The following BCAS3 variants were observed in gnomAD, a reference collection of about 807,000 sequenced individuals.
BCAS3 encodes the protein BCAS4/BCAS3 fusion.
A neutral mutation model predicts 116.1 loss-of-function variants in BCAS3; 53 were observed. That is an observed-to-expected ratio of 0.46 (90% CI 0.37 to 0.57). The LOEUF (loss-of-function observed/expected upper bound fraction) is 0.57, where lower values mean the gene tolerates loss of function less well. Among genes scored for constraint, BCAS3 ranks in the 20% least tolerant of loss-of-function variants. The pLI is 0.00. For synonymous variants in BCAS3, 391 were observed against 408.2 expected (o/e 0.96, Z 0.51); for missense variants, 917 against 1,165.4 (o/e 0.79, Z 3.10).
chr17:60,730,755 G>A (rs2144157875), intron 5 of BCAS3, among the ~76,000 whole-genome samples: 1 of 152,294 alleles, frequency 6.6e-6, no homozygotes, highest in East Asian at 1.9e-4. Context: ...AAAGGCCTGA[G>A]TTTAAGAACT....
intron 19 of BCAS3, among the ~76,000 whole-genome samples, chr17:61,057,291 T>C (rs191214822): frequency 1.3e-5 from 2 of 152,346 alleles, no homozygotes; most frequent in East Asian, 3.9e-4. Flanking sequence ...GCCTTTCTGC[T>C]CAGTTTTCAA....
rs1037256989 is a variant in BCAS3, at chr17:61,352,859, G to A, written c.2426-15468G>A. ...AGCTGTGCAGAGAAGGCCTGGTGCC[G>A]CCACACTCCTGCTCGGCTCCTAGGC... On this transcript the variant is annotated intron_variant, in intron 22 of 23. Coordinates refer to ENST00000407086, the MANE Select transcript of BCAS3 (RefSeq NM_017679.5). The surrounding 1 kb of genome is among the most constrained non-coding windows in gnomAD (Gnocchi z 4.7). Among the ~76,000 whole-genome samples the A allele has an allele frequency of 2.6e-5, 4 of 152,230 alleles. No individual in the cohort carries two copies. Among genetic ancestry groups the A allele is most frequent in the Admixed American group, 2.0e-4 (3 of 15,286 alleles).
At position 60,754,744 on chromosome 17, in the gene BCAS3, G is replaced by T. The variant is rs62082874; in HGVS notation, c.403+7465G>T. Among the ~76,000 whole-genome samples, 157 of 19,246 alleles carry T rather than the reference G, an allele frequency of 8.2e-3. 2 individuals carry two copies. The Middle Eastern group carries it at 0.25, about 31-fold the overall frequency. 12.6% of individuals were successfully genotyped at this position (19,246 alleles called of 152,430 possible). ...ACACACACACACACACACACACAGAGTCTGTTCAGCCGAAACACTAGCAAG... is the reference window on the plus strand; with the variant it reads ...ACACACACACACACACACACACAGATTCTGTTCAGCCGAAACACTAGCAAG... On this transcript the variant is annotated intron_variant, in intron 6 of 23. Transcript: ENST00000407086.
intron 22 of BCAS3, among the ~76,000 whole-genome samples, chr17:61,194,848 A>T (rs72832577): frequency 0.11 from 16,743 of 152,074 alleles, 1,176 homozygotes; most frequent in Non-Finnish European, 0.16. Context: ...ATTAGGAAAT[A>T]TCTTCACTTT....
chr17:60,904,934 C>G (rs1045923515), intron 11 of BCAS3, among the ~76,000 whole-genome samples: 1 of 152,138 alleles, frequency 6.6e-6, no homozygotes, highest in African/African-American at 2.4e-5. Context: ...ATTACAAAGA[C>G]TCTTCCAGTG....
chr17:61,327,749 G>A lies in BCAS3; in HGVS notation c.2426-40578G>A, dbSNP rs1207971608. On this transcript the variant is annotated intron_variant, in intron 22 of 23. Transcript: ENST00000407086. This position sits in a 1 kb window ranked among gnomAD's most constrained non-coding sequence, Gnocchi z 5.9. ...GGTCTCGAACTTCTGGCCTCAAGTGGTCCAGCTGCCTCAGCCTCCCAAAGT... is the reference window on the plus strand; with the variant it reads ...GGTCTCGAACTTCTGGCCTCAAGTGATCCAGCTGCCTCAGCCTCCCAAAGT... 1.3e-5 allele frequency among the ~76,000 whole-genome samples: 2 copies of A among 152,080 alleles called. No individual in the cohort carries two copies. Among genetic ancestry groups the A allele is most frequent in the African/African-American group, 4.8e-5 (2 of 41,426 alleles).
At position 61,220,447 on chromosome 17, in the gene BCAS3, C is replaced by T. The variant is rs1051706117; in HGVS notation, c.2425+135883C>T. Among the ~76,000 whole-genome samples the T allele has an allele frequency of 6.6e-6, 1 of 152,166 alleles. No homozygotes were observed. Among genetic ancestry groups the T allele is most frequent in the African/African-American group, 2.4e-5 (1 of 41,442 alleles). On this transcript the variant is annotated intron_variant, in intron 22 of 23. Transcript: ENST00000407086. The surrounding 1 kb of genome is among the most constrained non-coding windows in gnomAD (Gnocchi z 4.5). ...CAGTTAATTAATGCTACTTTGTCAA[C>T]TTGGTTCCATTATTTGATCTTCAGA...
Position 61,299,429 on chromosome 17 carries a change from C to T in BCAS3, c.2426-68898C>T, listed in dbSNP as rs145845106. Among the ~76,000 whole-genome samples, 1,101 of 113,114 alleles carry T rather than the reference C, an allele frequency of 9.7e-3. 26 individuals carry two copies. Among genetic ancestry groups the T allele is most frequent in the African/African-American group, 0.039 (1,037 of 26,894 alleles). 74.2% of individuals were successfully genotyped at this position (113,114 alleles called of 152,430 possible). A position where few individuals can be genotyped will look rare whatever the true frequency, so the allele number is the denominator to read the frequency against. On this transcript the variant is annotated intron_variant, in intron 22 of 23. Coordinates refer to ENST00000407086, the MANE Select transcript of BCAS3 (RefSeq NM_017679.5). The stretch of plus-strand genomic sequence containing the variant: ...TTGCACTCCAGCCTGGGTGACAGAG[C>T]GAGACTCCATCTCAAAAAAAAAAAA...
intron 6 of BCAS3, among the ~76,000 whole-genome samples, chr17:60,752,010 A>T (rs1184009921): frequency 6.6e-6 from 1 of 152,174 alleles, no homozygotes; most frequent in Non-Finnish European, 1.5e-5. Flanking sequence ...TCAGATATTG[A>T]GCATTGTACC....
At chr17:60,895,754 T>G (rs2057466414) in intron 10 of BCAS3, among the ~76,000 whole-genome samples, 1 of 152,228 alleles carries the variant, frequency 6.6e-6, no homozygotes, top group Non-Finnish European at 1.5e-5. Context: ...GATCATCATT[T>G]GTTTCAAGAT....
At chr17:61,330,232 CCCCTCCCT>C (rs950984566) in intron 22 of BCAS3, among the ~76,000 whole-genome samples, 7 of 149,760 alleles carry the variant, frequency 4.7e-5, no homozygotes, top group Admixed American at 4.0e-4. Context: ...CCTCTTCTCT[CCCCTCCCT>C]CCCTCCCTCC....
At chr17:60,795,841 C>T (rs1299067525) in intron 6 of BCAS3, among the ~76,000 whole-genome samples, 3 of 152,188 alleles carry the variant, frequency 2.0e-5, no homozygotes, top group Admixed American at 1.3e-4. Context: ...AGGCATGCGC[C>T]ACCACACCTG....
At chr17:60,760,386 T>C (rs1226418611) in intron 6 of BCAS3, among the ~76,000 whole-genome samples, 1 of 147,166 alleles carries the variant, frequency 6.8e-6, no homozygotes, top group Non-Finnish European at 1.5e-5. Flanking sequence ...AGGCCTAGTC[T>C]AGTGGTGATG....
At chr17:61,010,122 T>C (rs2065011483) in intron 15 of BCAS3, among the ~76,000 whole-genome samples, 2 of 151,112 alleles carry the variant, frequency 1.3e-5, no homozygotes, top group African/African-American at 4.9e-5. Context: ...GATGACTGGT[T>C]TGGGAATATG....
intron 7 of BCAS3, among the ~76,000 whole-genome samples, chr17:60,845,990 G>A (rs2052494167): frequency 6.6e-6 from 1 of 151,322 alleles, no homozygotes. Flanking sequence ...GTGCAGTGGT[G>A]ACATCTTGGC....
chr17:61,336,050 C>T (rs992316706), intron 22 of BCAS3, among the ~76,000 whole-genome samples: 2 of 152,264 alleles, frequency 1.3e-5, no homozygotes, highest in Non-Finnish European at 2.9e-5. Context: ...TGTCGGCTTT[C>T]CTTTCGCGCC....
chr17:61,233,897 T>G lies in BCAS3; in HGVS notation c.2426-134430T>G, dbSNP rs757005868. On this transcript the variant is annotated intron_variant, in intron 22 of 23. Coordinates refer to ENST00000407086, the MANE Select transcript of BCAS3 (RefSeq NM_017679.5). This position sits in a 1 kb window ranked among gnomAD's most constrained non-coding sequence, Gnocchi z 4.3. ...GAGGCTCTTTCCTGTCTAGTTGAGC[T>G]TTCTTTAAGAGGTCTTCCAGCTGTG... Among the ~76,000 whole-genome samples, 4 of 152,136 alleles carry G rather than the reference T, an allele frequency of 2.6e-5. No individual in the cohort carries two copies. The highest frequency in any genetic ancestry group is 5.9e-5 in the Non-Finnish European group (4 of 68,024).
rs1444296861 is a variant in BCAS3, at chr17:60,972,630, A to AT, written c.1222-17335dup. ...CCATGCCCAGCTAATTTTTATAAAA[A>AT]TTTTTTAGAGAGGCTGTTGCTATGT... On this transcript the variant is annotated intron_variant, in intron 14 of 23. Coordinates refer to ENST00000407086, the MANE Select transcript of BCAS3 (RefSeq NM_017679.5). 2.6e-5 allele frequency among the ~76,000 whole-genome samples: 4 copies of AT among 151,620 alleles called. No homozygotes were observed. The East Asian group carries it at 7.8e-4, about 29-fold the overall frequency.
chr17:61,106,713 CA>C lies in BCAS3; in HGVS notation c.2425+22150del, dbSNP rs1327478318. ...TGAAACTTGCTTCATTTATTGTTAGCAGATTTCCTTCAAGTCATTAAATATT... is the reference window on the plus strand; with the variant it reads ...TGAAACTTGCTTCATTTATTGTTAGCGATTTCCTTCAAGTCATTAAATATT... On this transcript the variant is annotated intron_variant, in intron 22 of 23. Coordinates refer to ENST00000407086, the MANE Select transcript of BCAS3 (RefSeq NM_017679.5). The surrounding 1 kb of genome is among the most constrained non-coding windows in gnomAD (Gnocchi z 4.2). 2.6e-5 allele frequency among the ~76,000 whole-genome samples: 4 copies of C among 152,138 alleles called. No individual in the cohort carries two copies. Among genetic ancestry groups the C allele is most frequent in the African/African-American group, 9.7e-5 (4 of 41,430 alleles).
Sources: gnomAD v4.1 joint callset for allele counts (sites outside exome capture counted in the v4.1 genomes callset) on GRCh38, gnomAD v4.1.1 for gene constraint, Gnocchi (gnomAD v3.1) non-coding constraint, MANE v1.5 for transcripts, NCBI Gene and HGNC (gene_info 2026-07-23, HGNC 2026-07-21) for gene names.